The following TUB variants were observed in gnomAD, a reference collection of about 807,000 sequenced individuals.
TUB encodes the protein tubby protein homolog.
TUB carries 33 observed loss-of-function variants against 59.7 expected under a neutral mutation model. The ratio of observed to expected loss-of-function variants is 0.55; its 90% CI spans 0.42 to 0.74. TUB has a LOEUF of 0.74. TUB is among the 30% of genes least tolerant of loss of function. TUB has a pLI of 0.00. For synonymous variants in TUB, 293 were observed against 256.4 expected, an observed-to-expected ratio of 1.14 and a Z score of -1.36; for missense variants, 659 against 672.0, an observed-to-expected ratio of 0.98 and a Z score of 0.21.
At chr11:8,049,590 G>T (rs77212087) in intron 2 of TUB, among the ~76,000 whole-genome samples, 16,012 of 118,632 alleles carry the variant, frequency 0.13, 1,500 homozygotes, top group East Asian at 0.37. Context: ...TAGATAGATA[G>T]ATAGATAGAT....
chr11:8,101,449 T>C, intron 11 of TUB, 37 bp from the exon 12 acceptor site: 2 of 1,606,872 alleles, frequency 1.2e-6, no homozygotes, highest in Non-Finnish European at 1.7e-6. Flanking sequence ...ATTCCTGTCC[T>C]GTCCTTTTCT....
intron 1 of TUB, chr11:8,039,468 G>A: frequency 2.0e-6 from 1 of 506,430 alleles, no homozygotes; most frequent in Non-Finnish European, 3.3e-6. Context: ...GGCCCACAGA[G>A]TGAGCACTCT....
chr11:8,095,593 G>A lies in TUB; in HGVS notation c.493G>A (p.Ala165Thr), dbSNP rs775955177. The change falls in exon 5 of 12, where the codon GCA (alanine) becomes ACA (threonine). Residue 165 changes from alanine to threonine, a missense_variant. Ala to Thr is a moderately conservative substitution (Grantham distance 58). This residue lies in a region of TUB where 321 missense variants were observed against 304.3 expected (regional missense o/e 1.05). Transcript: ENST00000299506. ...GGGCCAGTCAGACCACGCCCAGGAC[G>A]CAGGGGAGACGGCAGCTGGTGGGGG... is the stretch of plus-strand genomic sequence containing the variant. Reference protein sequence around the residue: ...TVGQSDHAQDAGETAAGGGER... With the variant: ...TVGQSDHAQDTGETAAGGGER... The A allele has an allele frequency of 2.0e-5, 33 of 1,612,862 alleles. No homozygotes were observed. The highest frequency in any genetic ancestry group is 2.6e-5 in the Non-Finnish European group (31 of 1,179,866).
upstream of TUB, among the ~76,000 whole-genome samples, chr11:8,033,645 G>C (rs193063224): frequency 8.5e-4 from 130 of 152,296 alleles, no homozygotes; most frequent in Non-Finnish European, 1.7e-3. Flanking sequence ...TATTCTCCTC[G>C]GGGCCACCTG....
At chr11:8,076,006 A>C (rs895712176) in intron 2 of TUB, 1 of 152,006 alleles carries the variant, frequency 6.6e-6, no homozygotes, top group Admixed American at 6.6e-5. Context: ...ACCTCCCTTG[A>C]TGAGGGTGAT....
chr11:8,089,188 A>G (rs1943722863), intron 1 of TUB, among the ~76,000 whole-genome samples: 1 of 152,114 alleles, frequency 6.6e-6, no homozygotes, highest in South Asian at 2.1e-4. Flanking sequence ...AAGGAAGGAA[A>G]AGGCTGGGGC....
rs573124243 is a variant in TUB at position 8,095,204 on chromosome 11, T to C, written c.398-294T>C. Among the ~76,000 whole-genome samples the C allele has an allele frequency of 5.9e-5, 9 of 152,310 alleles. No individual in the cohort carries two copies. In the East Asian group the frequency reaches 1.7e-3, roughly 29 times the overall value. On this transcript the variant is annotated intron_variant, in intron 4 of 11. Coordinates refer to ENST00000299506, the MANE Select transcript of TUB (RefSeq NM_177972.3). Reference sequence around the variant, plus strand: ...CTTGTTCTCCATCTTGTTTTTCCACTGTGCAGTTGGTTTTGTAGATGGCTG... The same window carrying C: ...CTTGTTCTCCATCTTGTTTTTCCACCGTGCAGTTGGTTTTGTAGATGGCTG...
chr11:8,024,212 G>A (rs558882894), intron 1 of TUB, among the ~76,000 whole-genome samples: 3 of 152,230 alleles, frequency 2.0e-5, no homozygotes, highest in South Asian at 4.1e-4. Context: ...ATTCCCTCAC[G>A]TATGCTCAGC....
Position 8,105,145 on chromosome 11 carries a change from T to C in TUB, c.*3526T>C, listed in dbSNP as rs1430310464. 5.9e-5 allele frequency: 9 copies of C among 152,220 alleles called. No individual in the cohort carries two copies. The highest frequency in any genetic ancestry group is 2.2e-4 in the African/African-American group (9 of 41,450). 9.4% of individuals were successfully genotyped at this position (152,220 alleles called of 1,614,324 possible). A position where few individuals can be genotyped will look rare whatever the true frequency, so the allele number is the denominator to read the frequency against. On this transcript the variant is annotated 3_prime_UTR_variant, in exon 12 of 12. Transcript: ENST00000299506. ...GCAAGCACAAATTTCATCTCCTAGA[T>C]GGACTTCCTGGTTTTCTCTTACTGC...
chr11:8,035,119 A>G (rs770491179), upstream of TUB, among the ~76,000 whole-genome samples: 2 of 152,224 alleles, frequency 1.3e-5, no homozygotes, highest in South Asian at 2.1e-4. Context: ...GCAACATTCA[A>G]AGGACCTCGA....
intron 2 of TUB, among the ~76,000 whole-genome samples, chr11:8,071,050 A>G (rs1429623413): frequency 3.3e-5 from 5 of 152,196 alleles, no homozygotes; most frequent in Non-Finnish European, 7.3e-5. Context: ...TTAAGTCCCC[A>G]GGACAGCCCA....
At chr11:8,100,678 C>T in intron 10 of TUB, 77 bp downstream of exon 10, 1 of 1,526,820 alleles carries the variant, frequency 6.5e-7, no homozygotes, top group Non-Finnish European at 9.0e-7. Flanking sequence ...AGAACTCCAG[C>T]TGATGTGTGT....
intron 2 of TUB, chr11:8,067,557 TCTC>T (rs1201794692): frequency 1.3e-5 from 2 of 152,140 alleles, no homozygotes; most frequent in South Asian, 2.1e-4. Context: ...CAGGAAAAAT[TCTC>T]CTCATGTATT....
rs1311370379 is a variant in TUB at position 8,097,949 on chromosome 11, C to G, written c.998+123C>G. On this transcript the variant is annotated intron_variant, in intron 8 of 11. Transcript: ENST00000299506. ...CAGGGATGGATACTCTCCCAGGATCCTCTCTGATAATCACATCCAACTGGA... is the reference window on the plus strand; with the variant it reads ...CAGGGATGGATACTCTCCCAGGATCGTCTCTGATAATCACATCCAACTGGA... 3 of 731,076 alleles carry G rather than the reference C, an allele frequency of 4.1e-6. No homozygotes were observed. In the African/African-American group the frequency reaches 5.3e-5, roughly 13 times the overall value. 45.3% of individuals were successfully genotyped at this position (731,076 alleles called of 1,614,324 possible). A position where few individuals can be genotyped will look rare whatever the true frequency, so the allele number is the denominator to read the frequency against.
intron 1 of TUB, among the ~76,000 whole-genome samples, chr11:8,020,409 A>C (rs891660876): frequency 7.2e-5 from 11 of 152,140 alleles, no homozygotes; most frequent in Non-Finnish European, 1.3e-4. Flanking sequence ...GATTCAGAGG[A>C]ACAGGTGTCC....
intron 1 of TUB, among the ~76,000 whole-genome samples, chr11:8,031,388 C>A (rs1327774487): frequency 1.3e-5 from 2 of 152,108 alleles, no homozygotes; most frequent in Non-Finnish European, 2.9e-5. Flanking sequence ...TTCTGGGAGG[C>A]TGGTGAGCTC....
At chr11:8,051,335 G>A (rs116454565) in intron 2 of TUB, among the ~76,000 whole-genome samples, 1,931 of 152,152 alleles carry the variant, frequency 0.013, 33 homozygotes, top group African/African-American at 0.04. Context: ...ATATTATCGG[G>A]AAAATACTGT....
chr11:8,049,820 C>CA (rs1942905574), intron 2 of TUB, among the ~76,000 whole-genome samples: 1 of 151,938 alleles, frequency 6.6e-6, no homozygotes. Context: ...GATTAATTTT[C>CA]ATCTTTAAAT....
chr11:8,021,288 C>T (rs1432061847), intron 1 of TUB, among the ~76,000 whole-genome samples: 3 of 152,004 alleles, frequency 2.0e-5, no homozygotes, highest in Non-Finnish European at 2.9e-5. Flanking sequence ...GGTGAAACCC[C>T]GTCTGTACTA....
Sources: allele counts gnomAD v4.1 joint callset (sites outside exome capture counted in the v4.1 genomes callset), GRCh38; gene constraint gnomAD v4.1.1; regional missense constraint gnomAD v4.1.1; transcripts MANE v1.5; gene names NCBI Gene and HGNC (gene_info 2026-07-23, HGNC 2026-07-21).